Variants in PTPRO observed in about 807,000 individuals in gnomAD.
PTPRO encodes protein tyrosine phosphatase receptor type O.
Under a neutral mutation model 145.2 loss-of-function variants are expected in PTPRO, and 62 were observed. The observed-to-expected ratio is 0.43, with a 90% CI of 0.35 to 0.53. The LOEUF (loss-of-function observed/expected upper bound fraction) is 0.53. PTPRO is among the 20% of genes least tolerant of loss of function. PTPRO has a pLI of 0.01. For missense variants in PTPRO, 1,345 were observed against 1,482.7 expected, an observed-to-expected ratio of 0.91 and a Z score of 1.53; for synonymous variants, 565 against 514.7, an observed-to-expected ratio of 1.10 and a Z score of -1.32.
intron 1 of PTPRO, among the ~76,000 whole-genome samples, chr12:15,412,403 C>T (rs1165018822): frequency 1.3e-5 from 2 of 152,212 alleles, no homozygotes; most frequent in African/African-American, 4.8e-5. Context: ...GAAAGGCTAT[C>T]ATGGGGTCAT....
Position 15,587,038 on chromosome 12 carries a change from A to G in PTPRO, c.3397A>G (p.Ile1133Val). The G allele has an allele frequency of 1.2e-6, 2 of 1,614,076 alleles. No individual in the cohort carries two copies. The highest frequency in any genetic ancestry group is 2.2e-5 in the East Asian group (1 of 44,850). The change falls in exon 24 of 27, where the codon ATC becomes GTC. Residue 1133 changes from isoleucine (I) to valine (V), a missense_variant. Ile to Val is a conservative substitution (Grantham distance 29). This residue lies in a region of PTPRO where 208 missense variants were observed against 242.8 expected (regional missense o/e 0.86). Transcript: ENST00000281171. ...AGCTACCAAGAGCAAAGGTCCCATG[A>G]TCATTCACTGCAGGTAACCTCATCA... ...QQATKSKGPM[I>V]IHCSAGVGRT...
intron 12 of PTPRO, among the ~76,000 whole-genome samples, chr12:15,529,580 C>T (rs1942915406): frequency 6.6e-6 from 1 of 152,048 alleles, no homozygotes; most frequent in African/African-American, 2.4e-5. Flanking sequence ...GAGATTGAGG[C>T]TGCAGTGAGC....
intron 1 of PTPRO, among the ~76,000 whole-genome samples, chr12:15,392,059 A>C (rs1939203226): frequency 6.6e-6 from 1 of 152,206 alleles, no homozygotes; most frequent in Admixed American, 6.5e-5. Flanking sequence ...CTAAATGATG[A>C]GATATAGACA....
intron 1 of PTPRO, among the ~76,000 whole-genome samples, chr12:15,471,579 T>C (rs1166815574): frequency 6.6e-6 from 1 of 152,228 alleles, no homozygotes; most frequent in African/African-American, 2.4e-5. Flanking sequence ...AAGTATGATG[T>C]AAGTAGATGC....
At chr12:15,464,080 CTAAA>C (rs1332171694) in intron 1 of PTPRO, among the ~76,000 whole-genome samples, 1 of 151,938 alleles carries the variant, frequency 6.6e-6, no homozygotes, top group Non-Finnish European at 1.5e-5. Flanking sequence ...ACAGAACTAA[CTAAA>C]CATAGCACAA....
rs189736142 is a variant in PTPRO at position 15,337,855 on chromosome 12, T to C, written c.75+15054T>C. ...TGTATGATTCCATTATATAACATTA[T>C]GATGAAGGAAAGTTTCATGGTTGCC... On this transcript the variant is annotated intron_variant, in intron 1 of 26. Coordinates refer to ENST00000281171, the MANE Select transcript of PTPRO (RefSeq NM_030667.3). Among the ~76,000 whole-genome samples, 16 of 152,312 alleles carry C rather than the reference T, an allele frequency of 1.1e-4. No homozygotes were observed. The East Asian group carries it at 2.9e-3, about 28-fold the overall frequency.
Position 15,403,507 on chromosome 12 carries a change from C to T in PTPRO, c.76-80467C>T, listed in dbSNP as rs555803543. 7.9e-5 allele frequency among the ~76,000 whole-genome samples: 12 copies of T among 152,194 alleles called. No individual in the cohort carries two copies. In the South Asian group the frequency reaches 8.3e-4, roughly 11 times the overall value. ...CTGAGTCAGGAGAATGGCGTGAACC[C>T]GGCAGGCGGAGGTTGCAGTGAGCCA... On this transcript the variant is annotated intron_variant, in intron 1 of 26. Transcript: ENST00000281171.
chr12:15,352,666 A>G (rs1418810631), intron 1 of PTPRO, among the ~76,000 whole-genome samples: 1 of 94,176 alleles, frequency 1.1e-5, no homozygotes, highest in Non-Finnish European at 2.9e-5. Flanking sequence ...AAAAAAAAAA[A>G]AAGAAAGAAA....
intron 1 of PTPRO, among the ~76,000 whole-genome samples, chr12:15,355,074 A>G (rs1318583108): frequency 1.3e-5 from 2 of 152,180 alleles, no homozygotes; most frequent in African/African-American, 4.8e-5. Context: ...GAAGAGAGAG[A>G]GAAAGGAAGA....
intron 1 of PTPRO, among the ~76,000 whole-genome samples, chr12:15,392,720 C>CAAAAAAAAAAAAAAAA (rs1177789187): frequency 4.5e-5 from 3 of 66,682 alleles, no homozygotes; most frequent in African/African-American, 6.4e-5. Flanking sequence ...GACCCTGTCT[C>CAAAAAAAAAAAAAAAA]AAAAAAAAAA....
At position 15,502,875 on chromosome 12, in the gene PTPRO, T is replaced by C. The variant is rs563619764; in HGVS notation, c.1105+812T>C. Among the ~76,000 whole-genome samples, 5 of 152,282 alleles carry C rather than the reference T, an allele frequency of 3.3e-5. No individual in the cohort carries two copies. The South Asian group carries it at 8.3e-4, about 25-fold the overall frequency. ...TTTGAGTGGCAGAGGTTATAATTTGTAAAAATTTGAAGTTACAGTGATAGC... is the reference window on the plus strand; with the variant it reads ...TTTGAGTGGCAGAGGTTATAATTTGCAAAAATTTGAAGTTACAGTGATAGC... On this transcript the variant is annotated intron_variant, in intron 5 of 26. Transcript: ENST00000281171.
Position 15,523,682 on chromosome 12 carries a change from G to A in PTPRO, c.1892-1132G>A, listed in dbSNP as rs867323361. The stretch of plus-strand genomic sequence containing the variant: ...CCTAGCTACTTGGTAGACTGAGGCA[G>A]GAGGGATGATTGAGCCTGGGAGGTC... On this transcript the variant is annotated intron_variant, in intron 10 of 26. Transcript: ENST00000281171. Among the ~76,000 whole-genome samples, 15 of 152,294 alleles carry A rather than the reference G, an allele frequency of 9.8e-5. No individual in the cohort carries two copies. In the Middle Eastern group the frequency reaches 0.014, roughly 138 times the overall value.
chr12:15,540,631 T>C (rs1210379779), intron 12 of PTPRO, among the ~76,000 whole-genome samples: 2 of 152,218 alleles, frequency 1.3e-5, no homozygotes. Context: ...AATAAACACA[T>C]TACATTCTGC....
intron 1 of PTPRO, among the ~76,000 whole-genome samples, chr12:15,327,549 G>A (rs1866482163): frequency 6.6e-6 from 1 of 152,034 alleles, no homozygotes; most frequent in Admixed American, 6.5e-5. Flanking sequence ...CTACACCCTG[G>A]TCTTGGTTAT....
intron 1 of PTPRO, among the ~76,000 whole-genome samples, chr12:15,415,124 G>T (rs1939911071): frequency 6.6e-6 from 1 of 152,184 alleles, no homozygotes; most frequent in African/African-American, 2.4e-5. Context: ...AGATGGGACA[G>T]AGATGGCTTG....
At chr12:15,515,712 T>A in intron 8 of PTPRO, 94 bp downstream of exon 8, 1 of 1,527,586 alleles carries the variant, frequency 6.5e-7, no homozygotes, top group Non-Finnish European at 9.1e-7. Flanking sequence ...ATCATCGTAT[T>A]TGGAAGGTCC....
At chr12:15,548,526 ATATG>A (rs1160004265) in intron 13 of PTPRO, among the ~76,000 whole-genome samples, 1 of 133,610 alleles carries the variant, frequency 7.5e-6, no homozygotes, top group East Asian at 2.2e-4. Context: ...GTGTGTATAT[ATATG>A]TGTGTGTGTG....
At chr12:15,398,229 G>A (rs528892270) in intron 1 of PTPRO, among the ~76,000 whole-genome samples, 1 of 152,298 alleles carries the variant, frequency 6.6e-6, no homozygotes, top group Non-Finnish European at 1.5e-5. Context: ...GGTAAAAGCG[G>A]TTGTTCACAG....
intron 1 of PTPRO, among the ~76,000 whole-genome samples, chr12:15,456,620 A>G (rs916567747): frequency 2.0e-5 from 3 of 152,180 alleles, no homozygotes; most frequent in African/African-American, 4.8e-5. Flanking sequence ...AAAGTATTTG[A>G]TCACTGATTC....
Sources: gnomAD v4.1 joint callset for allele counts (sites outside exome capture counted in the v4.1 genomes callset) on GRCh38, gnomAD v4.1.1 for gene constraint, gnomAD v4.1.1 regional missense constraint, MANE v1.5 for transcripts, NCBI Gene and HGNC (gene_info 2026-07-23, HGNC 2026-07-21) for gene names.